Variants in CAST observed in about 807,000 individuals in gnomAD.
The protein encoded by CAST is MIR583 host.
In CAST, 76 loss-of-function variants were observed where a neutral mutation model predicts 119.6. The observed-to-expected ratio is 0.64, with a 90% CI of 0.53 to 0.77. The LOEUF (loss-of-function observed/expected upper bound fraction) is 0.77. CAST is among the 30% of genes least tolerant of loss of function. The pLI is 0.00. For synonymous variants in CAST, 319 were observed against 331.6 expected (o/e 0.96, Z 0.41); for missense variants, 953 against 946.5 (o/e 1.01, Z -0.09).
intron 1 of CAST, among the ~76,000 whole-genome samples, chr5:96,564,462 C>A (rs1235802433): frequency 6.6e-6 from 1 of 152,178 alleles, no homozygotes; most frequent in Non-Finnish European, 1.5e-5. Context: ...TTCTACTTGC[C>A]GGAAAATGTG....
chr5:96,572,276 C>T (rs1456193246), intron 1 of CAST, among the ~76,000 whole-genome samples: 1 of 151,892 alleles, frequency 6.6e-6, no homozygotes, highest in East Asian at 1.9e-4. Flanking sequence ...TCTCGGCTGA[C>T]TGCAACCTCT....
At chr5:95,990,839 A>C in the CAST span, among the ~76,000 whole-genome samples, 1 of 152,072 alleles carries the variant, frequency 6.6e-6, no homozygotes, top group African/African-American at 2.4e-5. Context: ...TCAGGGCTCA[A>C]GTGATACTCC....
At chr5:96,124,241 C>T in the CAST span, among the ~76,000 whole-genome samples, 6 of 152,080 alleles carry the variant, frequency 3.9e-5, no homozygotes, top group Admixed American at 2.0e-4. Flanking sequence ...AGCACAGCGG[C>T]TATCTGTAGG....
the CAST span, among the ~76,000 whole-genome samples, chr5:96,329,635 C>G: frequency 0.013 from 2,019 of 152,292 alleles, 131 homozygotes; most frequent in East Asian, 0.2. Flanking sequence ...CATGAGAAGT[C>G]AGGCTACTCT....
chr5:96,695,949 T>C (rs548349847), intron 3 of CAST, 42 bp downstream of exon 3: 1 of 1,396,498 alleles, frequency 7.2e-7, no homozygotes, highest in East Asian at 2.3e-5. Context: ...TACTGTATTC[T>C]ACAGGGATAT....
At chr5:96,003,721 T>A in the CAST span, among the ~76,000 whole-genome samples, 1 of 152,208 alleles carries the variant, frequency 6.6e-6, no homozygotes, top group South Asian at 2.1e-4. Flanking sequence ...ATTAAAATAG[T>A]TTTTTCAATG....
chr5:96,755,486 G>A (rs1034741329), intron 22 of CAST, among the ~76,000 whole-genome samples: 10 of 152,180 alleles, frequency 6.6e-5, no homozygotes, highest in African/African-American at 2.4e-4. Context: ...CTTCTATTTT[G>A]AAAGTACAGA....
At chr5:96,347,628 A>G in the CAST span, among the ~76,000 whole-genome samples, 2 of 152,120 alleles carry the variant, frequency 1.3e-5, no homozygotes, top group African/African-American at 4.8e-5. Context: ...TCTCTTCCTT[A>G]GAACTCTGGC....
the CAST span, among the ~76,000 whole-genome samples, chr5:96,374,492 T>C: frequency 6.6e-6 from 1 of 152,100 alleles, no homozygotes; most frequent in Non-Finnish European, 1.5e-5. Flanking sequence ...GTGTGAAAGG[T>C]AAGGGTGATA....
At chr5:96,159,438 A>G in the CAST span, among the ~76,000 whole-genome samples, 4 of 152,328 alleles carry the variant, frequency 2.6e-5, no homozygotes, top group Admixed American at 2.6e-4. Flanking sequence ...AGGTCAAACA[A>G]CGCAAAGTTG....
At chr5:96,456,824 A>G in the CAST span, among the ~76,000 whole-genome samples, 1 of 152,196 alleles carries the variant, frequency 6.6e-6, no homozygotes, top group Non-Finnish European at 1.5e-5. Flanking sequence ...TAACTGAATC[A>G]TGGGGGTAGT....
chr5:96,668,240 GTT>G, intron 1 of CAST, among the ~76,000 whole-genome samples: 1 of 152,226 alleles, frequency 6.6e-6, no homozygotes, highest in Admixed American at 6.5e-5. Context: ...AATTGCTGTA[GTT>G]TGTTGGGAAA....
the CAST span, among the ~76,000 whole-genome samples, chr5:96,210,817 C>T: frequency 1.8e-4 from 27 of 151,962 alleles, no homozygotes; most frequent in African/African-American, 6.3e-4. Context: ...TTAAATACAG[C>T]CTGTCTCTCT....
chr5:96,253,912 T>C, the CAST span, among the ~76,000 whole-genome samples: 2 of 151,920 alleles, frequency 1.3e-5, no homozygotes, highest in African/African-American at 2.4e-5. Context: ...AGTCATTTTA[T>C]CTACCTCTAG....
At chr5:95,961,581 G>A in the CAST span, 19 of 1,595,934 alleles carry the variant, frequency 1.2e-5, no homozygotes, top group Non-Finnish European at 1.4e-5. Flanking sequence ...TCACCTTGTG[G>A]CTCTGGTAAG....
the CAST span, among the ~76,000 whole-genome samples, chr5:96,299,558 C>T: frequency 3.9e-5 from 6 of 152,136 alleles, no homozygotes; most frequent in African/African-American, 1.2e-4. Flanking sequence ...ATCCTCTTTC[C>T]TCCTCCACAG....
At chr5:96,478,081 T>C in the CAST span, among the ~76,000 whole-genome samples, 2 of 152,252 alleles carry the variant, frequency 1.3e-5, no homozygotes, top group African/African-American at 4.8e-5. Flanking sequence ...TCCTTATATA[T>C]CTTGCTCTTT....
the CAST span, among the ~76,000 whole-genome samples, chr5:96,335,883 G>A: frequency 4.6e-5 from 7 of 151,852 alleles, no homozygotes; most frequent in Middle Eastern, 3.2e-3. Context: ...ACATCCTGAT[G>A]TTTTCCCCTC....
chr5:96,429,209 T>C, the CAST span: 1 of 1,410,796 alleles, frequency 7.1e-7, no homozygotes, highest in Non-Finnish European at 1.0e-6. Context: ...TGTACAACAC[T>C]TACACGATCA....
Sources: gnomAD v4.1 joint callset for allele counts (sites outside exome capture counted in the v4.1 genomes callset) on GRCh38, gnomAD v4.1.1 for gene constraint, MANE v1.5 for transcripts, NCBI Gene and HGNC (gene_info 2026-07-23, HGNC 2026-07-21) for gene names.